Variants in PSMD14 observed in about 807,000 individuals in gnomAD.
PSMD14 encodes the protein proteasome 26S subunit, non-ATPase 14.
PSMD14 carries 7 observed loss-of-function variants against 41.2 expected under a neutral mutation model. The ratio of observed to expected loss-of-function variants is 0.17; its 90% CI spans 0.10 to 0.32. PSMD14 has a LOEUF of 0.32. Among genes scored for constraint, PSMD14 ranks in the 10% least tolerant of loss-of-function variants. The probability of loss-of-function intolerance (pLI) is 1.00; values close to 1 mark genes in which losing one functional copy is unlikely to be tolerated. For missense variants in PSMD14, 139 were observed against 375.6 expected (o/e 0.37, Z 5.21); for synonymous variants, 114 against 122.3 (o/e 0.93, Z 0.45).
chr2:161,411,111 T>A (rs529498794), intron 11 of PSMD14, among the ~76,000 whole-genome samples, 191 bp from the exon 12 acceptor site: 30 of 152,250 alleles, frequency 2.0e-4, no homozygotes, highest in African/African-American at 6.7e-4. Context: ...ATCTATTATT[T>A]TATTAGCTAC....
chr2:161,365,644 A>C (rs1683348263), intron 3 of PSMD14, among the ~76,000 whole-genome samples: 1 of 152,320 alleles, frequency 6.6e-6, no homozygotes, highest in South Asian at 2.1e-4. Flanking sequence ...TTATGAATAC[A>C]GTGTTCGTTA....
chr2:161,336,489 C>T lies in PSMD14; in HGVS notation c.48+17616C>T, dbSNP rs376518418. Among the ~76,000 whole-genome samples, 5 of 152,300 alleles carry T rather than the reference C, an allele frequency of 3.3e-5. No individual in the cohort carries two copies. In the East Asian group the frequency reaches 5.8e-4, roughly 18 times the overall value. On this transcript the variant is annotated intron_variant, in intron 3 of 11. Transcript: ENST00000409682. ...TTCTTTAGTATTTTCAGTGATGTTA[C>T]TTATTTGAAACCCTTAGAATTACAT...
At chr2:161,356,351 A>G (rs1028846364) in intron 3 of PSMD14, among the ~76,000 whole-genome samples, 2 of 152,202 alleles carry the variant, frequency 1.3e-5, no homozygotes, top group African/African-American at 4.8e-5. Flanking sequence ...TTAAAGTATT[A>G]AAAGGTTGTT....
intron 3 of PSMD14, among the ~76,000 whole-genome samples, chr2:161,354,172 A>G (rs978315323): frequency 5.3e-5 from 8 of 151,996 alleles, no homozygotes; most frequent in African/African-American, 1.7e-4. Context: ...GTTTTTGCCA[A>G]TCTTAAATGT....
At chr2:161,366,628 T>C (rs1426991897) in intron 3 of PSMD14, among the ~76,000 whole-genome samples, 1 of 152,170 alleles carries the variant, frequency 6.6e-6, no homozygotes, top group Non-Finnish European at 1.5e-5. Flanking sequence ...CATATCTCAT[T>C]ATAATTTCCC....
intron 1 of PSMD14, among the ~76,000 whole-genome samples, chr2:161,314,578 A>G (rs1029478006): frequency 2.6e-5 from 4 of 152,198 alleles, no homozygotes; most frequent in African/African-American, 9.6e-5. Flanking sequence ...GATAACCACC[A>G]GTCTGCATTC....
chr2:161,396,269 A>C (rs1376424560), intron 10 of PSMD14, among the ~76,000 whole-genome samples: 1 of 152,204 alleles, frequency 6.6e-6, no homozygotes, highest in Non-Finnish European at 1.5e-5. Flanking sequence ...CCGCAATCCC[A>C]CCACTGGTTG....
At chr2:161,406,660 G>A (rs1683951863) in intron 10 of PSMD14, among the ~76,000 whole-genome samples, 4 of 152,142 alleles carry the variant, frequency 2.6e-5, no homozygotes, top group Admixed American at 2.6e-4. Flanking sequence ...GAAGAGATAT[G>A]CTTACTCTTT....
At chr2:161,399,182 C>A (rs1438806644) in intron 10 of PSMD14, among the ~76,000 whole-genome samples, 2 of 152,034 alleles carry the variant, frequency 1.3e-5, no homozygotes, top group East Asian at 1.9e-4. Context: ...TGGGACATAA[C>A]CATGTTTCCA....
chr2:161,405,930 G>A (rs1358803971), intron 10 of PSMD14, among the ~76,000 whole-genome samples: 1 of 152,106 alleles, frequency 6.6e-6, no homozygotes, highest in Non-Finnish European at 1.5e-5. Flanking sequence ...AAAAGCAAAG[G>A]CTAAGGGAAT....
At chr2:161,321,214 G>A (rs1467478083) in intron 3 of PSMD14, among the ~76,000 whole-genome samples, 1 of 152,142 alleles carries the variant, frequency 6.6e-6, no homozygotes, top group African/African-American at 2.4e-5. Flanking sequence ...AATAGGAGCA[G>A]GTCACTTGCT....
chr2:161,344,403 A>C (rs376439820), intron 3 of PSMD14, among the ~76,000 whole-genome samples: 33 of 152,326 alleles, frequency 2.2e-4, no homozygotes, highest in African/African-American at 7.7e-4. Flanking sequence ...TAGCAGAAAG[A>C]AAGCTAAGAG....
chr2:161,364,900 T>C (rs1490767867), intron 3 of PSMD14, among the ~76,000 whole-genome samples: 2 of 152,002 alleles, frequency 1.3e-5, no homozygotes, highest in African/African-American at 4.8e-5. Flanking sequence ...GCTCAGGAGT[T>C]CGAGACCAGC....
intron 10 of PSMD14, among the ~76,000 whole-genome samples, chr2:161,397,638 A>G (rs1278399600): frequency 6.6e-6 from 1 of 152,210 alleles, no homozygotes; most frequent in East Asian, 1.9e-4. Flanking sequence ...ACATCTTAAA[A>G]AATATTTTAT....
At chr2:161,406,750 A>G (rs939041349) in intron 10 of PSMD14, among the ~76,000 whole-genome samples, 2 of 152,100 alleles carry the variant, frequency 1.3e-5, no homozygotes, top group African/African-American at 4.8e-5. Flanking sequence ...TATGGCTGGG[A>G]GTACTTTTTA....
intron 3 of PSMD14, among the ~76,000 whole-genome samples, chr2:161,348,718 T>C (rs1030075438): frequency 6.6e-6 from 1 of 152,166 alleles, no homozygotes; most frequent in Non-Finnish European, 1.5e-5. Context: ...AAGATGAGAA[T>C]AGCGGTGACA....
chr2:161,400,020 G>A (rs1206316268), intron 10 of PSMD14, among the ~76,000 whole-genome samples: 2 of 152,066 alleles, frequency 1.3e-5, no homozygotes, highest in Non-Finnish European at 2.9e-5. Context: ...AACATATTGT[G>A]TTGGTAACAG....
chr2:161,369,816 GT>G (rs1450555344), intron 5 of PSMD14, among the ~76,000 whole-genome samples: 1 of 151,994 alleles, frequency 6.6e-6, no homozygotes, highest in Non-Finnish European at 1.5e-5. Context: ...CTAACCAATA[GT>G]TATGGTTGGT....
intron 3 of PSMD14, among the ~76,000 whole-genome samples, chr2:161,346,088 G>T (rs188314993): frequency 3.9e-4 from 59 of 152,154 alleles, no homozygotes; most frequent in Non-Finnish European, 7.1e-4. Context: ...TTGCCATGTT[G>T]CCCAGGCAGT....
Sources: allele counts gnomAD v4.1 joint callset (sites outside exome capture counted in the v4.1 genomes callset), GRCh38; gene constraint gnomAD v4.1.1; transcripts MANE v1.5; gene names NCBI Gene and HGNC (gene_info 2026-07-23, HGNC 2026-07-21).